CPNE8: variants seen among roughly 807,000 people sequenced by gnomAD.
CPNE8 encodes the protein copine-8.
A neutral mutation model predicts 81.5 loss-of-function variants in CPNE8; 45 were observed. That is an observed-to-expected ratio of 0.55 (90% CI 0.44 to 0.71). CPNE8 has a LOEUF of 0.71. Ranked by LOEUF, CPNE8 falls within the 30% of genes least tolerant of loss-of-function variation. CPNE8 has a pLI of 0.00. For synonymous variants in CPNE8, 252 were observed against 226.3 expected (o/e 1.11, Z -1.02); for missense variants, 594 against 672.1 (o/e 0.88, Z 1.28).
intron 16 of CPNE8, among the ~76,000 whole-genome samples, chr12:38,680,354 T>A (rs1939382131): frequency 6.6e-6 from 1 of 151,972 alleles, no homozygotes; most frequent in Non-Finnish European, 1.5e-5. Flanking sequence ...TAACAATGAA[T>A]AAAGGAATAC....
chr12:38,805,661 TAAA>T (rs35911949), intron 6 of CPNE8, among the ~76,000 whole-genome samples: 4 of 41,900 alleles, frequency 9.5e-5, no homozygotes, highest in African/African-American at 2.8e-4. Flanking sequence ...TAGAGTATAA[TAAA>T]AAAAAAAAAC....
chr12:38,850,119 A>G (rs1254277416), intron 3 of CPNE8, among the ~76,000 whole-genome samples: 5 of 152,290 alleles, frequency 3.3e-5, no homozygotes, highest in Admixed American at 1.3e-4. Context: ...GTGCTCGCGT[A>G]CTTCAAGAGA....
At chr12:38,793,474 G>C (rs551478623) in intron 6 of CPNE8, among the ~76,000 whole-genome samples, 6 of 151,584 alleles carry the variant, frequency 4.0e-5, no homozygotes, top group Non-Finnish European at 5.9e-5. Context: ...ATTTACAATA[G>C]CATTAAAATG....
Position 38,831,411 on chromosome 12 carries a change from A to G in CPNE8, c.331-1956T>C, listed in dbSNP as rs1455376547. On this transcript the variant is annotated intron_variant, in intron 5 of 19. Coordinates refer to ENST00000331366, the MANE Select transcript of CPNE8 (RefSeq NM_153634.3). ...TTCAGGAATGAGGAAAAAAACTAGA[A>G]GCCAGATCAATCAGAAGGCTATGGT... 2.0e-5 allele frequency among the ~76,000 whole-genome samples: 3 copies of G among 152,188 alleles called. No individual in the cohort carries two copies. In the East Asian group the frequency reaches 5.8e-4, roughly 29 times the overall value.
intron 5 of CPNE8, among the ~76,000 whole-genome samples, chr12:38,835,992 T>C (rs1412964354): frequency 6.6e-6 from 1 of 152,090 alleles, no homozygotes; most frequent in Non-Finnish European, 1.5e-5. Context: ...TGGTCCAACA[T>C]CCCAAGCAGA....
chr12:38,739,530 A>C (rs1941039805), intron 10 of CPNE8, among the ~76,000 whole-genome samples: 1 of 152,182 alleles, frequency 6.6e-6, no homozygotes, highest in African/African-American at 2.4e-5. Flanking sequence ...ATTCTATGAA[A>C]ATGAAAGGAA....
chr12:38,665,672 A>G (rs2136639002), intron 19 of CPNE8, among the ~76,000 whole-genome samples: 1 of 152,272 alleles, frequency 6.6e-6, no homozygotes, highest in Non-Finnish European at 1.5e-5. Context: ...TTTTCAGGAA[A>G]TGATAAGCTG....
rs1234714894 is a variant in CPNE8, at chr12:38,796,244, G to GCTA, written c.408-19946_408-19944dup. On this transcript the variant is annotated intron_variant, in intron 6 of 19. Coordinates refer to ENST00000331366, the MANE Select transcript of CPNE8 (RefSeq NM_153634.3). ...AGGAGTTGCAGTGAGCCAAGATCGT[G>GCTA]CTACTGCACTCCAGCCTGGGAGAGA... is the stretch of plus-strand genomic sequence containing the variant. 4.6e-5 allele frequency among the ~76,000 whole-genome samples: 7 copies of GCTA among 152,190 alleles called. No homozygotes were observed. In the Middle Eastern group the frequency reaches 0.01, roughly 223 times the overall value.
chr12:38,660,284 A>G (rs1019459929), intron 19 of CPNE8, among the ~76,000 whole-genome samples: 1 of 152,218 alleles, frequency 6.6e-6, no homozygotes, highest in Non-Finnish European at 1.5e-5. Flanking sequence ...CCAATGGAAC[A>G]GAACAGAGGC....
intron 3 of CPNE8, among the ~76,000 whole-genome samples, chr12:38,856,718 ATTG>A (rs146717168): frequency 0.027 from 4,129 of 152,248 alleles, 167 homozygotes; most frequent in African/African-American, 0.091. Context: ...TAGGCTGGAC[ATTG>A]TTCTGTACTT....
intron 18 of CPNE8, among the ~76,000 whole-genome samples, chr12:38,674,232 C>A (rs904969777): frequency 6.6e-6 from 1 of 151,976 alleles, no homozygotes; most frequent in Non-Finnish European, 1.5e-5. Context: ...GAAATATATG[C>A]CAGGAAGGGT....
intron 18 of CPNE8, among the ~76,000 whole-genome samples, chr12:38,675,310 C>G (rs1162913053): frequency 6.6e-6 from 1 of 152,114 alleles, no homozygotes; most frequent in East Asian, 1.9e-4. Flanking sequence ...CTTTTCACAA[C>G]CTAATGATTT....
intron 5 of CPNE8, among the ~76,000 whole-genome samples, chr12:38,835,933 C>T (rs76706697): frequency 0.013 from 1,915 of 152,114 alleles, 45 homozygotes; most frequent in African/African-American, 0.043. Flanking sequence ...TTTTGGATTG[C>T]CTTGTCTGTA....
chr12:38,704,826 G>GTATATATATGTGTGTATATGTA (rs58878926), intron 13 of CPNE8, among the ~76,000 whole-genome samples: 2 of 50,200 alleles, frequency 4.0e-5, no homozygotes, highest in Admixed American at 2.9e-4. Flanking sequence ...GTATGTATGT[G>GTATATATATGTGTGTATATGTA]TATATATATA....
intron 6 of CPNE8, among the ~76,000 whole-genome samples, chr12:38,824,663 A>C (rs536778780): frequency 1.3e-5 from 2 of 152,208 alleles, no homozygotes; most frequent in Non-Finnish European, 2.9e-5. Context: ...AAAATTAATA[A>C]ATAAGAGGTA....
intron 10 of CPNE8, among the ~76,000 whole-genome samples, chr12:38,739,892 A>G (rs1431821561): frequency 3.3e-5 from 5 of 152,182 alleles, no homozygotes; most frequent in African/African-American, 4.8e-5. Context: ...TTTGTGCTCT[A>G]AAGTAGATAA....
intron 18 of CPNE8, among the ~76,000 whole-genome samples, chr12:38,675,040 T>A (rs1044491922): frequency 3.3e-5 from 5 of 152,192 alleles, no homozygotes; most frequent in Non-Finnish European, 7.3e-5. Context: ...CTACGAACAT[T>A]TACCCAGATC....
At chr12:38,703,016 T>C in intron 13 of CPNE8, 95 bp from the exon 14 acceptor site, 1 of 851,538 alleles carries the variant, frequency 1.2e-6, no homozygotes, top group Non-Finnish European at 1.8e-6. Context: ...TGTCACTGAT[T>C]TTCTCAAACG....
At chr12:38,778,263 T>C (rs1258469996) in intron 6 of CPNE8, among the ~76,000 whole-genome samples, 1 of 152,136 alleles carries the variant, frequency 6.6e-6, no homozygotes, top group Non-Finnish European at 1.5e-5. Context: ...GGTTAGACCA[T>C]CTAGGTTTGT....
Sources: allele counts gnomAD v4.1 joint callset (sites outside exome capture counted in the v4.1 genomes callset), GRCh38; gene constraint gnomAD v4.1.1; transcripts MANE v1.5; gene names NCBI Gene and HGNC (gene_info 2026-07-23, HGNC 2026-07-21).